Variants in PALM2AKAP2 observed in about 807,000 individuals in gnomAD.
PALM2AKAP2 encodes the protein PALM2-AKAP2 fusion protein.
In PALM2AKAP2, 37 loss-of-function variants were observed where a neutral mutation model predicts 71.5. The observed-to-expected ratio is 0.52, with a 90% CI of 0.40 to 0.68. The LOEUF (loss-of-function observed/expected upper bound fraction) is 0.68. Ranked by LOEUF, PALM2AKAP2 falls within the 30% of genes least tolerant of loss-of-function variation. The probability of loss-of-function intolerance (pLI) is 0.00; values close to 1 mark genes in which losing one functional copy is unlikely to be tolerated. For missense variants in PALM2AKAP2, 1,224 were observed against 1,191.8 expected, an observed-to-expected ratio of 1.03 and a Z score of -0.40; for synonymous variants, 468 against 478.8, an observed-to-expected ratio of 0.98 and a Z score of 0.29.
At chr9:109,824,633 T>C (rs1828095276) in intron 1 of PALM2AKAP2, among the ~76,000 whole-genome samples, 1 of 152,244 alleles carries the variant, frequency 6.6e-6, no homozygotes, top group Non-Finnish European at 1.5e-5. Context: ...AGTCTCCTTA[T>C]GTTGCTTTTA....
intron 1 of PALM2AKAP2, among the ~76,000 whole-genome samples, chr9:110,051,920 T>G (rs1234494755): frequency 1.3e-5 from 2 of 151,638 alleles, no homozygotes; most frequent in Non-Finnish European, 2.9e-5. Context: ...TTTTTTTTTT[T>G]GAAATGGAGT....
chr9:109,880,968 G>C (rs1298749408), intron 3 of PALM2AKAP2, among the ~76,000 whole-genome samples: 1 of 152,110 alleles, frequency 6.6e-6, no homozygotes, highest in Non-Finnish European at 1.5e-5. Flanking sequence ...TTGTTGAACA[G>C]ATTATTTCAC....
At chr9:109,946,678 A>G (rs1831514074) in intron 6 of PALM2AKAP2, 1 of 133,510 alleles carries the variant, frequency 7.5e-6, no homozygotes, top group Non-Finnish European at 1.6e-5. Context: ...AAAGAGCGAA[A>G]CTCCATCTCA....
intron 1 of PALM2AKAP2, among the ~76,000 whole-genome samples, chr9:109,653,573 A>T (rs1210652683): frequency 6.6e-6 from 1 of 152,142 alleles, no homozygotes; most frequent in Non-Finnish European, 1.5e-5. Flanking sequence ...ATTTCCTAAG[A>T]CAGCATCTTT....
chr9:109,941,875 T>C (rs1248243861), intron 6 of PALM2AKAP2, among the ~76,000 whole-genome samples: 1 of 152,176 alleles, frequency 6.6e-6, no homozygotes, highest in Non-Finnish European at 1.5e-5. Flanking sequence ...GAAGTGAATG[T>C]CTTACATTGA....
intron 1 of PALM2AKAP2, among the ~76,000 whole-genome samples, chr9:110,125,975 T>G (rs1571262): frequency 0.75 from 114,497 of 151,980 alleles, 43,271 homozygotes; most frequent in East Asian, 0.97. Flanking sequence ...GGTGATTCTG[T>G]CGCCTCGTTT....
At chr9:110,002,539 G>T (rs1588052983) in intron 6 of PALM2AKAP2, among the ~76,000 whole-genome samples, 2 of 152,118 alleles carry the variant, frequency 1.3e-5, no homozygotes, top group African/African-American at 4.8e-5. Context: ...GATGATGCTG[G>T]CCTCATAAAA....
intron 1 of PALM2AKAP2, among the ~76,000 whole-genome samples, chr9:110,126,038 C>T (rs1465573146): frequency 6.6e-6 from 1 of 152,068 alleles, no homozygotes; most frequent in African/African-American, 2.4e-5. Context: ...CTACAGCTAG[C>T]CTTCTGTTTC....
intron 3 of PALM2AKAP2, among the ~76,000 whole-genome samples, chr9:109,903,770 G>A (rs1027104383): frequency 4.6e-5 from 7 of 151,108 alleles, no homozygotes; most frequent in Non-Finnish European, 1.5e-5. Flanking sequence ...CCCACATAGC[G>A]AACTTGCATC....
chr9:109,657,238 A>G (rs1262564073), intron 1 of PALM2AKAP2, among the ~76,000 whole-genome samples: 2 of 152,250 alleles, frequency 1.3e-5, no homozygotes, highest in East Asian at 3.8e-4. Flanking sequence ...GTCATTTGCA[A>G]TTTATGATAT....
At chr9:109,759,249 G>A (rs1022380175) in intron 1 of PALM2AKAP2, among the ~76,000 whole-genome samples, 3 of 151,866 alleles carry the variant, frequency 2.0e-5, no homozygotes, top group Non-Finnish European at 4.4e-5. Flanking sequence ...CAGATTTTTG[G>A]AACCCTATTC....
intron 1 of PALM2AKAP2, among the ~76,000 whole-genome samples, chr9:110,096,964 T>A (rs1305726168): frequency 7.1e-6 from 1 of 140,628 alleles, no homozygotes; most frequent in African/African-American, 2.6e-5. Context: ...TTATTTATTA[T>A]TTTTTTTATT....
chr9:109,701,819 G>A (rs964645402), intron 1 of PALM2AKAP2, among the ~76,000 whole-genome samples: 1 of 152,140 alleles, frequency 6.6e-6, no homozygotes, highest in African/African-American at 2.4e-5. Context: ...CCTACAGAAT[G>A]GGAGAAAATT....
At chr9:109,925,540 TTC>T (rs142625347) in intron 5 of PALM2AKAP2, among the ~76,000 whole-genome samples, 6 of 150,490 alleles carry the variant, frequency 4.0e-5, no homozygotes, top group Non-Finnish European at 4.4e-5. Context: ...TTTCTTTGCT[TTC>T]TCTCTCTCTC....
At chr9:110,115,110 T>A (rs1835335206) in intron 1 of PALM2AKAP2, among the ~76,000 whole-genome samples, 1 of 152,126 alleles carries the variant, frequency 6.6e-6, no homozygotes, top group African/African-American at 2.4e-5. Context: ...GTAAAAGCAG[T>A]GGACGGAAAC....
At chr9:109,968,995 A>T (rs559098216) in intron 6 of PALM2AKAP2, among the ~76,000 whole-genome samples, 3 of 152,178 alleles carry the variant, frequency 2.0e-5, no homozygotes, top group African/African-American at 7.2e-5. Context: ...AAAAAAACTG[A>T]CTAGAAAGCA....
At chr9:109,743,817 A>G (rs187159714) in intron 1 of PALM2AKAP2, among the ~76,000 whole-genome samples, 1 of 152,324 alleles carries the variant, frequency 6.6e-6, no homozygotes, top group East Asian at 1.9e-4. Flanking sequence ...TCTTTTATTT[A>G]CATTCCTAAC....
intron 1 of PALM2AKAP2, among the ~76,000 whole-genome samples, chr9:109,730,523 C>T (rs904587967): frequency 2.6e-5 from 4 of 152,140 alleles, no homozygotes; most frequent in African/African-American, 9.7e-5. Flanking sequence ...ATACATTAAC[C>T]GTCTGTGTTT....
chr9:109,758,237 G>T (rs1400881887), intron 1 of PALM2AKAP2, among the ~76,000 whole-genome samples: 1 of 151,990 alleles, frequency 6.6e-6, no homozygotes, highest in Non-Finnish European at 1.5e-5. Context: ...GTGTACTATT[G>T]TATGATATAC....
Sources: gnomAD v4.1 joint callset for allele counts (sites outside exome capture counted in the v4.1 genomes callset) on GRCh38, gnomAD v4.1.1 for gene constraint, MANE v1.5 for transcripts, NCBI Gene and HGNC (gene_info 2026-07-23, HGNC 2026-07-21) for gene names.